GALM: variants seen among roughly 807,000 people sequenced by gnomAD.
GALM encodes the protein galactose mutarotase.
GALM carries 43 observed loss-of-function variants against 37.4 expected under a neutral mutation model. That is an observed-to-expected ratio of 1.15 (90% CI 0.90 to 1.48). The LOEUF (loss-of-function observed/expected upper bound fraction) is 1.48, where lower values mean the gene tolerates loss of function less well. Ranked by LOEUF, GALM falls within the 40% of genes most tolerant of loss-of-function variation. The pLI is 0.00. For synonymous variants in GALM, 199 were observed against 170.6 expected (o/e 1.17, Z -1.30); for missense variants, 456 against 419.1 (o/e 1.09, Z -0.77).
chr2:38,680,560 A>G (rs1312407448), intron 2 of GALM, among the ~76,000 whole-genome samples: 2 of 152,112 alleles, frequency 1.3e-5, no homozygotes, highest in South Asian at 4.1e-4. Context: ...TTTGTTTTGA[A>G]CTCTGCCTAG....
At chr2:38,694,608 A>C (rs548689661) in intron 4 of GALM, among the ~76,000 whole-genome samples, 25 of 152,280 alleles carry the variant, frequency 1.6e-4, no homozygotes, top group Middle Eastern at 3.4e-3. Context: ...CAAGAAAGGG[A>C]AAGTCAGGCT....
chr2:38,675,537 TTTTTTTTGTGTGTG>T (rs1665231542), intron 1 of GALM, among the ~76,000 whole-genome samples: 6 of 90,078 alleles, frequency 6.7e-5, no homozygotes, highest in African/African-American at 3.1e-4. Context: ...TTTTTTTTTT[TTTTTTTTGTGTGTG>T]TGTGTGTGTG....
chr2:38,715,835 G>A (rs1257782660), intron 4 of GALM, among the ~76,000 whole-genome samples: 1 of 152,184 alleles, frequency 6.6e-6, no homozygotes, highest in Non-Finnish European at 1.5e-5. Flanking sequence ...GCTGAGTAGG[G>A]TGCTGGGCAC....
intron 1 of GALM, chr2:38,669,570 T>G (rs1353218901): frequency 1.3e-5 from 2 of 152,222 alleles, no homozygotes; most frequent in African/African-American, 4.8e-5. Context: ...CCTATGAGTT[T>G]TTCAACCTTT....
At chr2:38,673,201 G>A (rs991054696) in intron 1 of GALM, among the ~76,000 whole-genome samples, 3 of 152,144 alleles carry the variant, frequency 2.0e-5, no homozygotes, top group African/African-American at 7.2e-5. Flanking sequence ...CTCAGGGTCT[G>A]TATCCTGAGA....
chr2:38,727,936 C>CT (rs1252548605), intron 4 of GALM, among the ~76,000 whole-genome samples: 11 of 152,132 alleles, frequency 7.2e-5, no homozygotes, highest in Admixed American at 7.2e-4. Context: ...TTCAGCCCTA[C>CT]TTTGCATGCT....
intron 4 of GALM, among the ~76,000 whole-genome samples, chr2:38,728,019 A>G (rs753731293): frequency 2.0e-5 from 3 of 152,244 alleles, no homozygotes; most frequent in Non-Finnish European, 4.4e-5. Flanking sequence ...GGGAAAAATA[A>G]TTATCACCCT....
chr2:38,667,826 G>C (rs776975529), intron 1 of GALM, among the ~76,000 whole-genome samples: 2 of 152,120 alleles, frequency 1.3e-5, no homozygotes, highest in African/African-American at 4.8e-5. Flanking sequence ...GACAGAGTGA[G>C]ACCCCATCTC....
chr2:38,699,021 C>A (rs1665864980), intron 4 of GALM, among the ~76,000 whole-genome samples: 2 of 152,222 alleles, frequency 1.3e-5, no homozygotes, highest in Non-Finnish European at 2.9e-5. Context: ...TCAAGCAATT[C>A]TCCTGCCTCA....
At chr2:38,681,634 G>C (rs1376511815) in intron 3 of GALM, 148 bp downstream of exon 3, 2 of 645,878 alleles carry the variant, frequency 3.1e-6, no homozygotes, top group Non-Finnish European at 5.5e-6. Context: ...CTTATAGTAG[G>C]TGCTCAATAA....
Position 38,733,853 on chromosome 2 carries a change from G to T in GALM, c.*288G>T. The stretch of plus-strand genomic sequence containing the variant: ...CCTAGCCAGGGACTCCCATGCTGCT[G>T]TTGGCTCCATCTCTCCACACTGCCT... On this transcript the variant is annotated 3_prime_UTR_variant, in exon 7 of 7. Coordinates refer to ENST00000272252, the MANE Select transcript of GALM (RefSeq NM_138801.3). 1 of 411,520 alleles carries T rather than the reference G, an allele frequency of 2.4e-6. No homozygotes were observed. The highest frequency in any genetic ancestry group is 4.5e-6 in the Non-Finnish European group (1 of 220,508). 25.5% of individuals were successfully genotyped at this position (411,520 alleles called of 1,614,324 possible). A position where few individuals can be genotyped will look rare whatever the true frequency, so the allele number is the denominator to read the frequency against.
At chr2:38,685,265 G>A (rs1665492868) in intron 3 of GALM, among the ~76,000 whole-genome samples, 1 of 152,166 alleles carries the variant, frequency 6.6e-6, no homozygotes, top group South Asian at 2.1e-4. Flanking sequence ...AAATGGAGCG[G>A]GGGTGGGTCC....
chr2:38,674,056 G>T (rs1378215743), intron 1 of GALM, among the ~76,000 whole-genome samples: 3 of 152,064 alleles, frequency 2.0e-5, no homozygotes, highest in African/African-American at 7.2e-5. Flanking sequence ...GTTAATAGTG[G>T]TTACCATTGG....
rs1334227232 is a variant in GALM at position 38,733,550 on chromosome 2, G to C, written c.1014G>C (p.Lys338Asn). Residue 338 changes from lysine (K) to asparagine (N), a missense_variant, in exon 7 of 7, where the codon AAG (lysine) becomes AAC (asparagine). Transcript: ENST00000272252. ...AGTATGACCACACCACCTGGTTCAAGTTTTCTGTGGCTTAAGGAAGTGTGA... is the reference window on the plus strand; with the variant it reads ...AGTATGACCACACCACCTGGTTCAACTTTTCTGTGGCTTAAGGAAGTGTGA... Reference protein sequence around the residue: ...GEEYDHTTWFKFSVA With the variant: ...GEEYDHTTWFNFSVA 1 of 1,613,736 alleles carries C rather than the reference G, an allele frequency of 6.2e-7. No individual in the cohort carries two copies. Among genetic ancestry groups the C allele is most frequent in the Non-Finnish European group, 8.5e-7 (1 of 1,179,632 alleles).
intron 4 of GALM, chr2:38,698,459 G>C: frequency 8.1e-7 from 1 of 1,227,784 alleles, no homozygotes; most frequent in Non-Finnish European, 1.1e-6. Flanking sequence ...GCTGTGTTTG[G>C]ATGTTAGCAG....
chr2:38,695,396 C>T (rs1193812557), intron 4 of GALM, among the ~76,000 whole-genome samples: 2 of 152,208 alleles, frequency 1.3e-5, no homozygotes, highest in African/African-American at 2.4e-5. Context: ...TACAGGGTGG[C>T]GTTCAGCTAT....
chr2:38,667,557 G>A lies in GALM; in HGVS notation c.190+1206G>A, dbSNP rs879270737. Among the ~76,000 whole-genome samples the A allele has an allele frequency of 3.3e-5, 5 of 152,032 alleles. No homozygotes were observed. In the East Asian group the frequency reaches 7.7e-4, roughly 24 times the overall value. ...TGCACTCCAGCGTGGGTGGCAGAGC[G>A]AAACTCTATCTTAAAAAACAGAGAG... On this transcript the variant is annotated intron_variant, in intron 1 of 6. Coordinates refer to ENST00000272252, the MANE Select transcript of GALM (RefSeq NM_138801.3).
In GALM at chr2:38,731,802, A is replaced by G. The variant is rs1666615382; in HGVS notation, c.844A>G (p.Thr282Ala). 1 of 1,613,806 alleles carries G rather than the reference A, an allele frequency of 6.2e-7. No homozygotes were observed. Among genetic ancestry groups the G allele is most frequent in the Admixed American group, 1.7e-5 (1 of 59,988 alleles). The change falls in exon 6 of 7, where the codon ACG (threonine) becomes GCG (alanine). Residue 282 changes from threonine (T) to alanine (A), a missense_variant. Coordinates refer to ENST00000272252, the MANE Select transcript of GALM (RefSeq NM_138801.3). ...CACCCAGCCCGGGGTCCAGTTTTACACGGGCAACTTCCTGGATGGCACATT... is the reference window on the plus strand; with the variant it reads ...CACCCAGCCCGGGGTCCAGTTTTACGCGGGCAACTTCCTGGATGGCACATT... ...YTTQPGVQFY[T>A]GNFLDGTLKG...
chr2:38,669,237 G>C (rs1230124626), intron 1 of GALM: 2 of 152,226 alleles, frequency 1.3e-5, no homozygotes, highest in African/African-American at 4.8e-5. Context: ...GGTAGTTAAA[G>C]ATCGACCCCT....
Sources: allele counts gnomAD v4.1 joint callset (sites outside exome capture counted in the v4.1 genomes callset), GRCh38; gene constraint gnomAD v4.1.1; transcripts MANE v1.5; gene names NCBI Gene and HGNC (gene_info 2026-07-23, HGNC 2026-07-21).